Variants in JMJD1C observed in about 807,000 individuals in gnomAD.
The protein encoded by JMJD1C is jumonji domain containing 1C.
In JMJD1C, 31 loss-of-function variants were observed where a neutral mutation model predicts 245.3. The observed-to-expected ratio is 0.13, with a 90% CI of 0.09 to 0.17. The LOEUF (loss-of-function observed/expected upper bound fraction) is 0.17, where lower values mean the gene tolerates loss of function less well. Ranked by LOEUF, JMJD1C falls within the 10% of genes least tolerant of loss-of-function variation. The pLI, the probability that JMJD1C is intolerant of heterozygous loss-of-function variation, is 1.00. For synonymous variants in JMJD1C, 1,057 were observed against 1,017.4 expected (o/e 1.04, Z -0.74); for missense variants, 2,691 against 3,000.2 (o/e 0.90, Z 2.41).
intron 3 of JMJD1C, among the ~76,000 whole-genome samples, chr10:63,221,199 A>C (rs376909636): frequency 5.3e-4 from 80 of 152,308 alleles, no homozygotes; most frequent in African/African-American, 1.9e-3. Flanking sequence ...AATAAAAAAC[A>C]ATTTGGCAAC....
At chr10:63,430,926 G>A (rs372684086) in intron 1 of JMJD1C, among the ~76,000 whole-genome samples, 9 of 151,938 alleles carry the variant, frequency 5.9e-5, no homozygotes, top group African/African-American at 1.9e-4. Context: ...GTTTTGTTTT[G>A]TTTCGTTCGA....
intron 2 of JMJD1C, among the ~76,000 whole-genome samples, chr10:63,364,385 C>A (rs186395846): frequency 1.3e-5 from 2 of 152,172 alleles, no homozygotes; most frequent in African/African-American, 4.8e-5. Flanking sequence ...TAATTGACAC[C>A]CACTCCCTAC....
intron 2 of JMJD1C, among the ~76,000 whole-genome samples, chr10:63,319,213 C>T (rs894047970): frequency 7.0e-6 from 1 of 143,538 alleles, no homozygotes; most frequent in Admixed American, 7.4e-5. Context: ...GCTGAGACTG[C>T]GCCACTGCAC....
intron 1 of JMJD1C, among the ~76,000 whole-genome samples, chr10:63,415,793 A>G (rs543187336): frequency 6.6e-6 from 1 of 152,344 alleles, no homozygotes; most frequent in South Asian, 2.1e-4. Context: ...ACAGAAAATA[A>G]GCACCTGCAG....
chr10:63,275,475 G>A (rs1338008392), intron 2 of JMJD1C, among the ~76,000 whole-genome samples: 5 of 152,036 alleles, frequency 3.3e-5, no homozygotes, highest in African/African-American at 1.2e-4. Context: ...AGCAGGATTA[G>A]GAGGAAAAAT....
chr10:63,383,120 T>TA (rs1336204637), intron 1 of JMJD1C, among the ~76,000 whole-genome samples: 1 of 152,012 alleles, frequency 6.6e-6, no homozygotes, highest in Non-Finnish European at 1.5e-5. Context: ...TCCTGACTCT[T>TA]AGACTCAATC....
chr10:63,281,173 C>T (rs1226136831), intron 2 of JMJD1C, among the ~76,000 whole-genome samples: 1 of 139,626 alleles, frequency 7.2e-6, no homozygotes, highest in South Asian at 2.3e-4. Flanking sequence ...CTCGCTCTGT[C>T]GCCCACGCTG....
At chr10:63,284,447 A>G (rs1857745906) in intron 2 of JMJD1C, among the ~76,000 whole-genome samples, 1 of 152,182 alleles carries the variant, frequency 6.6e-6, no homozygotes, top group Admixed American at 6.5e-5. Flanking sequence ...GAAGGCTGAG[A>G]GTGGTGTTAA....
intron 1 of JMJD1C, among the ~76,000 whole-genome samples, chr10:63,448,064 C>A (rs1268957695): frequency 3.3e-5 from 5 of 152,250 alleles, no homozygotes; most frequent in Non-Finnish European, 4.4e-5. Flanking sequence ...CATTAACAGA[C>A]CATAAATACC....
chr10:63,314,963 T>TG (rs1026444247), intron 2 of JMJD1C, among the ~76,000 whole-genome samples: 11 of 149,294 alleles, frequency 7.4e-5, no homozygotes, highest in Non-Finnish European at 1.2e-4. Context: ...TTTGTTTTTT[T>TG]TTTTTTTTTG....
At chr10:63,337,375 A>G (rs1303372218) in intron 2 of JMJD1C, among the ~76,000 whole-genome samples, 1 of 140,378 alleles carries the variant, frequency 7.1e-6, no homozygotes, top group Non-Finnish European at 1.5e-5. Flanking sequence ...CTGGGAGGCA[A>G]ACCTTGCAGT....
At chr10:63,237,966 A>C (rs185191846) in intron 3 of JMJD1C, among the ~76,000 whole-genome samples, 1 of 140,984 alleles carries the variant, frequency 7.1e-6, no homozygotes, top group Non-Finnish European at 1.5e-5. Flanking sequence ...GTCAAAACTT[A>C]GAGACCAGCC....
In JMJD1C at chr10:63,193,099, T is replaced by G. The variant is rs1451008994; in HGVS notation, c.5915A>C (p.Glu1972Ala). 6.2e-7 allele frequency: 1 copy of G among 1,614,060 alleles called. No homozygotes were observed. Among genetic ancestry groups the G allele is most frequent in the Non-Finnish European group, 8.5e-7 (1 of 1,180,000 alleles). The change falls in exon 16 of 26, where the codon GAG becomes GCG. Residue 1972 changes from glutamate to alanine, a missense_variant. Transcript: ENST00000399262. ...CGGAGGAGTATTTTGCTGCTGAGAC[T>G]CAGGCATGCACAGAGAAATTTTATT... Reference protein sequence around the residue: ...HSNKISLCMPESQQQNTPPKS... With the variant: ...HSNKISLCMPASQQQNTPPKS...
At chr10:63,252,225 A>C (rs1853187449) in intron 3 of JMJD1C, among the ~76,000 whole-genome samples, 2 of 152,192 alleles carry the variant, frequency 1.3e-5, no homozygotes, top group South Asian at 2.1e-4. Flanking sequence ...ATCAAATATG[A>C]ATAACAGCCA....
In JMJD1C at chr10:63,298,004, C is replaced by T. The variant is rs117742445; in HGVS notation, c.334-33240G>A. ...TGATACCACATTCCCTCCATCCACA[C>T]GCGGGTGCTGCAGCGACAGCTGCTT... On this transcript the variant is annotated intron_variant, in intron 2 of 25. Coordinates refer to ENST00000399262, the MANE Select transcript of JMJD1C (RefSeq NM_032776.3). Among the ~76,000 whole-genome samples the T allele has an allele frequency of 8.1e-3, 1,232 of 152,346 alleles. 10 individuals are homozygous for T. Among genetic ancestry groups the T allele is most frequent in the Non-Finnish European group, 0.013 (881 of 68,028 alleles).
chr10:63,232,360 A>C (rs774245700), intron 3 of JMJD1C, among the ~76,000 whole-genome samples: 1 of 152,056 alleles, frequency 6.6e-6, no homozygotes, highest in Non-Finnish European at 1.5e-5. Context: ...GAATGTTAAA[A>C]ATTTTTTAAA....
chr10:63,304,684 G>A (rs1159428362), intron 2 of JMJD1C, among the ~76,000 whole-genome samples: 1 of 152,150 alleles, frequency 6.6e-6, no homozygotes, highest in Non-Finnish European at 1.5e-5. Flanking sequence ...CTGGGTTGAG[G>A]TAGAAAACCT....
rs550582020 is a variant in JMJD1C, at chr10:63,170,846, C to T, written c.7402-2280G>A. ...ACTCAGCTTCTCATTCTGATTATCC[C>T]TTTTCTTTGCCACATTTGACTCATT... On this transcript the variant is annotated intron_variant, in intron 24 of 25. Coordinates refer to ENST00000399262, the MANE Select transcript of JMJD1C (RefSeq NM_032776.3). 2.4e-4 allele frequency among the ~76,000 whole-genome samples: 36 copies of T among 152,290 alleles called. No individual in the cohort carries two copies. The East Asian group carries it at 6.2e-3, about 26-fold the overall frequency.
chr10:63,332,431 T>C (rs759251569), intron 2 of JMJD1C, among the ~76,000 whole-genome samples: 1 of 152,238 alleles, frequency 6.6e-6, no homozygotes, highest in Non-Finnish European at 1.5e-5. Flanking sequence ...AAGTATCACC[T>C]GTGTGATGAA....
Sources: gnomAD v4.1 joint callset for allele counts (sites outside exome capture counted in the v4.1 genomes callset) on GRCh38, gnomAD v4.1.1 for gene constraint, MANE v1.5 for transcripts, NCBI Gene and HGNC (gene_info 2026-07-23, HGNC 2026-07-21) for gene names.